The following SNTG2 variants were observed in gnomAD, a reference collection of about 807,000 sequenced individuals.
SNTG2 encodes the protein gamma-2-syntrophin.
A neutral mutation model predicts 70.9 loss-of-function variants in SNTG2; 74 were observed. That is an observed-to-expected ratio of 1.04 (90% CI 0.86 to 1.27). The LOEUF is 1.27. SNTG2 is among the 50% of genes most tolerant of loss of function. The pLI is 0.00. For missense variants in SNTG2, 717 were observed against 690.7 expected (o/e 1.04, Z -0.43); for synonymous variants, 278 against 273.8 (o/e 1.02, Z -0.15).
chr2:1,263,210 T>C (rs911937378), intron 13 of SNTG2, among the ~76,000 whole-genome samples: 1 of 152,176 alleles, frequency 6.6e-6, no homozygotes, highest in African/African-American at 2.4e-5. Context: ...TTAATGATAT[T>C]TGAAGAATAA....
At chr2:990,823 G>T (rs898228025) in intron 1 of SNTG2, among the ~76,000 whole-genome samples, 1 of 151,020 alleles carries the variant, frequency 6.6e-6, no homozygotes, top group Non-Finnish European at 1.5e-5. Flanking sequence ...TGGAAATGCC[G>T]TCCTAAGTCA....
intron 1 of SNTG2, among the ~76,000 whole-genome samples, chr2:1,042,811 A>T (rs942063252): frequency 6.6e-5 from 10 of 152,166 alleles, no homozygotes; most frequent in Non-Finnish European, 1.5e-4. Flanking sequence ...TGCCATCGTG[A>T]ATAGTGCTGG....
intron 1 of SNTG2, among the ~76,000 whole-genome samples, chr2:1,078,658 A>T (rs780000196): frequency 2.0e-5 from 3 of 152,166 alleles, no homozygotes; most frequent in Non-Finnish European, 2.9e-5. Flanking sequence ...TCAGAGAATG[A>T]TGTTACCTGA....
chr2:1,221,265 C>T (rs1300334687), intron 9 of SNTG2, among the ~76,000 whole-genome samples: 1 of 27,760 alleles, frequency 3.6e-5, no homozygotes, highest in African/African-American at 1.6e-4. Flanking sequence ...TCTCAGAGGT[C>T]TGTCTCTGTC....
In SNTG2 at chr2:1,137,475, AAC is replaced by A. The variant is rs201056931; in HGVS notation, c.326-141_326-140del. 1,829 of 792,238 alleles carry A rather than the reference AAC, an allele frequency of 2.3e-3. 23 individuals are homozygous for A. In the African/African-American group the frequency reaches 0.028, roughly 12 times the overall value. The allele number at this position is 792,238 out of a possible 1,614,324, so 49.1% of individuals were successfully genotyped here. A position where few individuals can be genotyped will look rare whatever the true frequency, so the allele number is the denominator to read the frequency against. ...ACACCCATCTGCACCTGCACACACA[AAC>A]ACACATCTGCTCACGTGGACACATG... On this transcript the variant is annotated intron_variant, in intron 4 of 16. Coordinates refer to ENST00000308624, the MANE Select transcript of SNTG2 (RefSeq NM_018968.4).
chr2:977,084 G>GT (rs1660929526), intron 1 of SNTG2, among the ~76,000 whole-genome samples: 7 of 152,332 alleles, frequency 4.6e-5, no homozygotes, highest in Admixed American at 3.9e-4. Flanking sequence ...ACCATTCACT[G>GT]TTAATGTAGG....
In SNTG2 at chr2:1,353,239, C is replaced by A. The variant is rs1203651642; in HGVS notation, c.1489-14104C>A. ...CAGGTCACCTGTACACCACCTCCCG[C>A]CCACAGAAACAGTGGGCGGAAGGAG... is the stretch of plus-strand genomic sequence containing the variant. On this transcript the variant is annotated intron_variant, in intron 16 of 16. Transcript: ENST00000308624. This position sits in a 1 kb window ranked among gnomAD's most constrained non-coding sequence, Gnocchi z 4.2. Among the ~76,000 whole-genome samples the A allele has an allele frequency of 2.0e-5, 3 of 152,284 alleles. No individual in the cohort carries two copies. Among genetic ancestry groups the A allele is most frequent in the African/African-American group, 7.2e-5 (3 of 41,574 alleles).
At position 1,126,213 on chromosome 2, in the gene SNTG2, C is replaced by T. The variant is rs529686289; in HGVS notation, c.326-11409C>T. Among the ~76,000 whole-genome samples, 18 of 152,206 alleles carry T rather than the reference C, an allele frequency of 1.2e-4. 1 individual carries two copies. In the South Asian group the frequency reaches 3.1e-3, roughly 26 times the overall value. On this transcript the variant is annotated intron_variant, in intron 4 of 16. Transcript: ENST00000308624. ...TCCTTAGTTCTATGAGACCAGCTTC[C>T]GCATATGAGTGAGAACATGCAGTGT...
chr2:1,300,295 C>T (rs935982560), intron 14 of SNTG2, among the ~76,000 whole-genome samples: 1 of 152,242 alleles, frequency 6.6e-6, no homozygotes, highest in African/African-American at 2.4e-5. Context: ...AAAATCCTTT[C>T]AAAGTCCACT....
chr2:1,026,596 C>G (rs1660492979), intron 1 of SNTG2, among the ~76,000 whole-genome samples: 1 of 152,180 alleles, frequency 6.6e-6, no homozygotes. Context: ...TCGTGTTTTC[C>G]TAGGCATGAA....
intron 14 of SNTG2, among the ~76,000 whole-genome samples, chr2:1,298,108 A>G (rs1680300354): frequency 6.6e-6 from 1 of 152,048 alleles, no homozygotes; most frequent in African/African-American, 2.4e-5. Context: ...AGTGTATTTT[A>G]TATACATTTC....
chr2:1,252,121 G>A (rs1286617770), intron 12 of SNTG2, among the ~76,000 whole-genome samples: 5 of 152,184 alleles, frequency 3.3e-5, no homozygotes, highest in Admixed American at 2.6e-4. Context: ...TGCAGGAACC[G>A]TGAGTTGATC....
chr2:1,022,173 G>A (rs575238531), intron 1 of SNTG2, among the ~76,000 whole-genome samples: 1 of 152,000 alleles, frequency 6.6e-6, no homozygotes, highest in African/African-American at 2.4e-5. Context: ...GCATTTATCC[G>A]AAGGAAAGGA....
chr2:1,119,860 G>C (rs78611268), intron 4 of SNTG2, among the ~76,000 whole-genome samples: 1,529 of 152,092 alleles, frequency 0.01, 21 homozygotes, highest in African/African-American at 0.035. Flanking sequence ...GAAAATAAGA[G>C]AATGACTGGT....
At chr2:1,300,629 G>A (rs567382296) in intron 14 of SNTG2, among the ~76,000 whole-genome samples, 17 of 152,242 alleles carry the variant, frequency 1.1e-4, no homozygotes, top group African/African-American at 3.1e-4. Context: ...TGTTGCTTCC[G>A]ACAGCTCCAT....
intron 1 of SNTG2, among the ~76,000 whole-genome samples, chr2:973,889 C>CT (rs1247986164): frequency 1.3e-5 from 2 of 152,004 alleles, no homozygotes; most frequent in Admixed American, 6.6e-5. Flanking sequence ...AGGTTTTCAG[C>CT]TTTTTTTGCT....
At chr2:1,304,865 G>A (rs769667070) in intron 14 of SNTG2, among the ~76,000 whole-genome samples, 2 of 151,704 alleles carry the variant, frequency 1.3e-5, no homozygotes, top group African/African-American at 4.9e-5. Flanking sequence ...TATTGCTCTT[G>A]GTTTATTTTA....
chr2:1,252,323 C>T (rs1456290995), intron 12 of SNTG2, among the ~76,000 whole-genome samples: 1 of 152,154 alleles, frequency 6.6e-6, no homozygotes, highest in African/African-American at 2.4e-5. Flanking sequence ...TTCCCGATGA[C>T]TTCATATAGT....
chr2:1,192,533 A>G (rs973890516), intron 8 of SNTG2, among the ~76,000 whole-genome samples: 3 of 152,170 alleles, frequency 2.0e-5, no homozygotes, highest in African/African-American at 7.2e-5. Context: ...TTGGTAAATT[A>G]ATTTTTTAAT....
Sources: gnomAD v4.1 joint callset for allele counts (sites outside exome capture counted in the v4.1 genomes callset) on GRCh38, gnomAD v4.1.1 for gene constraint, Gnocchi (gnomAD v3.1) non-coding constraint, MANE v1.5 for transcripts, NCBI Gene and HGNC (gene_info 2026-07-23, HGNC 2026-07-21) for gene names.